RXRA: variants seen among roughly 807,000 people sequenced by gnomAD.
The protein encoded by RXRA is retinoic acid receptor RXR-alpha.
RXRA carries 5 observed loss-of-function variants against 44.5 expected under a neutral mutation model. That is an observed-to-expected ratio of 0.11 (90% confidence interval 0.06 to 0.24). The LOEUF (loss-of-function observed/expected upper bound fraction) is 0.24. RXRA is among the 10% of genes least tolerant of loss of function. The pLI is 1.00. For synonymous variants in RXRA, 291 were observed against 271.4 expected, an observed-to-expected ratio of 1.07 and a Z score of -0.71; for missense variants, 412 against 646.5, an observed-to-expected ratio of 0.64 and a Z score of 3.93.
At chr9:134,339,085 C>T (rs1252175010) in intron 1 of RXRA, among the ~76,000 whole-genome samples, 4 of 150,832 alleles carry the variant, frequency 2.7e-5, no homozygotes, top group Non-Finnish European at 4.4e-5. Flanking sequence ...TGCCTGGTGT[C>T]GGGGCAGGGC....
rs1831073035 is a variant in RXRA, at chr9:134,407,544, C to CGGAGGG, written c.280-603_280-598dup. On this transcript the variant is annotated intron_variant, in intron 2 of 9. Coordinates refer to ENST00000481739, the MANE Select transcript of RXRA (RefSeq NM_002957.6). This position sits in a 1 kb window ranked among gnomAD's most constrained non-coding sequence, Gnocchi z 4.8. The stretch of plus-strand genomic sequence containing the variant: ...GCAGCGTGCGGGCCGGCGGGTGGGG[C>CGGAGGG]GGAGGGGTGTGCAGAGAGGCCAGTG... Among the ~76,000 whole-genome samples the CGGAGGG allele has an allele frequency of 6.6e-6, 1 of 151,846 alleles. No individual in the cohort carries two copies. The highest frequency in any genetic ancestry group is 2.4e-5 in the African/African-American group (1 of 41,318).
At chr9:134,406,487 A>AT (rs961826627) in intron 2 of RXRA, 1 of 151,944 alleles carries the variant, frequency 6.6e-6, no homozygotes, top group African/African-American at 2.4e-5. Context: ...TGATTAAATC[A>AT]TTTTCCGAAT....
At chr9:134,423,027 G>A in intron 6 of RXRA, 8 of 985,508 alleles carry the variant, frequency 8.1e-6, no homozygotes, top group Non-Finnish European at 9.6e-6. Flanking sequence ...GGCCAGGACG[G>A]TGGCTGGGAG....
At position 134,409,637 on chromosome 9, in the gene RXRA, C is replaced by T. The variant is rs147649638; in HGVS notation, c.610+518C>T. Among the ~76,000 whole-genome samples, 283 of 152,350 alleles carry T rather than the reference C, an allele frequency of 1.9e-3. 2 individuals are homozygous for T. The highest frequency in any genetic ancestry group is 2.8e-3 in the Non-Finnish European group (192 of 68,028). On this transcript the variant is annotated intron_variant, in intron 4 of 9. Coordinates refer to ENST00000481739, the MANE Select transcript of RXRA (RefSeq NM_002957.6). The stretch of plus-strand genomic sequence containing the variant: ...AAATTGTCAAGTCATCCAGCCAGAC[C>T]TGGGTCGGAGTCCCGGGCCCCACAG...
chr9:134,337,937 C>T (rs933088216), intron 1 of RXRA, among the ~76,000 whole-genome samples: 3 of 152,112 alleles, frequency 2.0e-5, no homozygotes, highest in East Asian at 1.9e-4. Context: ...TGAGAGGTGG[C>T]GGGGGAGAGA....
At position 134,407,394 on chromosome 9, in the gene RXRA, C is replaced by T. The variant is rs112893389; in HGVS notation, c.280-755C>T. 8.8e-4 allele frequency among the ~76,000 whole-genome samples: 134 copies of T among 152,310 alleles called. No individual in the cohort carries two copies. The highest frequency in any genetic ancestry group is 1.6e-3 in the Non-Finnish European group (107 of 68,012). The stretch of plus-strand genomic sequence containing the variant: ...CTGGCTGGCAGGCTGCAGCGGGAAG[C>T]GCCTGTGGGTCCTCGGCGCTGACTG... On this transcript the variant is annotated intron_variant, in intron 2 of 9. Transcript: ENST00000481739. The surrounding 1 kb of genome is among the most constrained non-coding windows in gnomAD (Gnocchi z 4.8).
At chr9:134,423,691 G>C (rs1395370530) in intron 6 of RXRA, 1 of 985,366 alleles carries the variant, frequency 1.0e-6, no homozygotes, top group Admixed American at 6.1e-5. Context: ...TGCCGTTGCG[G>C]GCTCAGACTT....
chr9:134,352,941 G>C (rs1284571090), intron 1 of RXRA, among the ~76,000 whole-genome samples: 1 of 152,180 alleles, frequency 6.6e-6, no homozygotes, highest in Non-Finnish European at 1.5e-5. Flanking sequence ...TCTCCTTGGG[G>C]ACACTTGGCC....
chr9:134,336,187 C>T (rs1265040801), intron 1 of RXRA, among the ~76,000 whole-genome samples: 1 of 152,198 alleles, frequency 6.6e-6, no homozygotes, highest in Admixed American at 6.5e-5. Flanking sequence ...CCGCACCATC[C>T]CGGGCCCAGT....
Position 134,417,037 on chromosome 9 carries a change from TGGGGATGCTGGTGTTGTG to T in RXRA, c.611-118_611-101del. The T allele has an allele frequency of 9.7e-7, 1 of 1,031,498 alleles. No individual in the cohort carries two copies. The highest frequency in any genetic ancestry group is 1.4e-6 in the Non-Finnish European group (1 of 709,148). The allele number at this position is 1,031,498 out of a possible 1,614,324, so 63.9% of individuals were successfully genotyped here. A position where few individuals can be genotyped will look rare whatever the true frequency, so the allele number is the denominator to read the frequency against. ...TGGGGTCTCCATCACCCAGTGCTGGTGGGGATGCTGGTGTTGTGGGTGAGTTGGCTGGGAGCTGGCACC... is the reference window on the plus strand; with the variant it reads ...TGGGGTCTCCATCACCCAGTGCTGGTGGTGAGTTGGCTGGGAGCTGGCACC... On this transcript the variant is annotated intron_variant, in intron 4 of 9. Transcript: ENST00000481739. This position sits in a 1 kb window ranked among gnomAD's most constrained non-coding sequence, Gnocchi z 6.1.
At position 134,423,981 on chromosome 9, in the gene RXRA, G is replaced by A. The variant is rs1016505993; in HGVS notation, c.910+2176G>A. 3.0e-5 allele frequency: 29 copies of A among 982,570 alleles called. No homozygotes were observed. The Middle Eastern group carries it at 1.6e-3, about 53-fold the overall frequency. 60.9% of individuals were successfully genotyped at this position (982,570 alleles called of 1,614,324 possible). On this transcript the variant is annotated intron_variant, in intron 6 of 9. Coordinates refer to ENST00000481739, the MANE Select transcript of RXRA (RefSeq NM_002957.6). The stretch of plus-strand genomic sequence containing the variant: ...CGCTGGGGGCCTGGCGGAGGTCCGA[G>A]TCGGGTTGGATGGCTGTGTCCGTCG...
Position 134,401,926 on chromosome 9 carries a change from T to C in RXRA, c.279+44T>C, listed in dbSNP as rs773795079. ...CAAGGGGAGGGGGTGGGGCCTGGGG[T>C]GGGGCTGTGGCTTCAACTGCAGGAC... On this transcript the variant is annotated intron_variant, in intron 2 of 9. Coordinates refer to ENST00000481739, the MANE Select transcript of RXRA (RefSeq NM_002957.6). 31 of 1,444,278 alleles carry C rather than the reference T, an allele frequency of 2.1e-5. No individual in the cohort carries two copies. The Admixed American group carries it at 7.3e-4, about 34-fold the overall frequency. 89.5% of individuals were successfully genotyped at this position (1,444,278 alleles called of 1,614,324 possible).
intron 1 of RXRA, among the ~76,000 whole-genome samples, chr9:134,368,894 TTA>T (rs1193137219): frequency 5.9e-4 from 38 of 64,390 alleles, no homozygotes; most frequent in African/African-American, 1.3e-3. Flanking sequence ...AGTGCAGGGG[TTA>T]TGTGTGTGTG....
At chr9:134,328,181 G>A (rs113787173) in intron 1 of RXRA, among the ~76,000 whole-genome samples, 1 of 152,172 alleles carries the variant, frequency 6.6e-6, no homozygotes, top group African/African-American at 2.4e-5. Flanking sequence ...CACACACACA[G>A]AGCTAGGCTC....
intron 4 of RXRA, among the ~76,000 whole-genome samples, chr9:134,416,016 G>T (rs998962602): frequency 6.6e-6 from 1 of 152,182 alleles, no homozygotes; most frequent in Non-Finnish European, 1.5e-5. Context: ...GGTGGTGGAT[G>T]GAACAGAAGG....
Position 134,377,693 on chromosome 9 carries a change from C to T in RXRA, c.29-23939C>T, listed in dbSNP as rs570774902. Among the ~76,000 whole-genome samples the T allele has an allele frequency of 4.6e-5, 7 of 152,348 alleles. No homozygotes were observed. The East Asian group carries it at 5.8e-4, about 13-fold the overall frequency. The stretch of plus-strand genomic sequence containing the variant: ...GTGGGGGTCAGGGAGGAGCACTCTA[C>T]TCTTGCAGAGATGTAACATTTTTAT... On this transcript the variant is annotated intron_variant, in intron 1 of 9. Coordinates refer to ENST00000481739, the MANE Select transcript of RXRA (RefSeq NM_002957.6).
Position 134,417,425 on chromosome 9 carries a change from C to A in RXRA, c.780+98C>A. The A allele has an allele frequency of 7.1e-7, 1 of 1,416,286 alleles. No homozygotes were observed. The highest frequency in any genetic ancestry group is 9.6e-7 in the Non-Finnish European group (1 of 1,040,442). 87.7% of individuals were successfully genotyped at this position (1,416,286 alleles called of 1,614,324 possible). ...TGAGCAGCTGATGAGCCAGAGAGGT[C>A]CTGGGGGCTGCCCTGGGCCCTGTGG... On this transcript the variant is annotated intron_variant, in intron 5 of 9. Coordinates refer to ENST00000481739, the MANE Select transcript of RXRA (RefSeq NM_002957.6). The surrounding 1 kb of genome is among the most constrained non-coding windows in gnomAD (Gnocchi z 6.1).
chr9:134,346,512 C>T (rs566278051), intron 1 of RXRA, among the ~76,000 whole-genome samples: 1 of 152,282 alleles, frequency 6.6e-6, no homozygotes, highest in Admixed American at 6.5e-5. Context: ...AGTGGCTGGC[C>T]GTTCCCGGGC....
Position 134,438,537 on chromosome 9 carries a change from C to CA in RXRA, c.*1924dup, listed in dbSNP as rs958944403. On this transcript the variant is annotated 3_prime_UTR_variant, in exon 10 of 10. Transcript: ENST00000481739. ...CCCTGCCCGATCCACCGTCCTGAGG[C>CA]AGAGTGTTGAGCCTCATACCTGTAC... The CA allele has an allele frequency of 2.6e-5, 4 of 152,488 alleles. No individual in the cohort carries two copies. The highest frequency in any genetic ancestry group is 9.6e-5 in the African/African-American group (4 of 41,466). 9.4% of individuals were successfully genotyped at this position (152,488 alleles called of 1,614,324 possible).
Sources: gnomAD v4.1 joint callset for allele counts (sites outside exome capture counted in the v4.1 genomes callset) on GRCh38, gnomAD v4.1.1 for gene constraint, Gnocchi (gnomAD v3.1) non-coding constraint, MANE v1.5 for transcripts, NCBI Gene and HGNC (gene_info 2026-07-23, HGNC 2026-07-21) for gene names.